The following CNTN5 variants were observed in gnomAD, a reference collection of about 807,000 sequenced individuals.
CNTN5 encodes contactin 5.
In CNTN5, 77 loss-of-function variants were observed where a neutral mutation model predicts 129.1. The observed-to-expected ratio is 0.60, with a 90% CI of 0.50 to 0.72. CNTN5 has a LOEUF of 0.72. CNTN5 is among the 30% of genes least tolerant of loss of function. The pLI is 0.00. For missense variants in CNTN5, 1,478 were observed against 1,328.8 expected, an observed-to-expected ratio of 1.11 and a Z score of -1.75; for synonymous variants, 509 against 465.6, an observed-to-expected ratio of 1.09 and a Z score of -1.20.
intron 3 of CNTN5, among the ~76,000 whole-genome samples, chr11:99,628,426 T>C (rs1453735407): frequency 6.6e-6 from 1 of 152,088 alleles, no homozygotes; most frequent in Non-Finnish European, 1.5e-5. Flanking sequence ...AAAGCATCTG[T>C]TATTCCTGAG....
chr11:100,170,683 A>G (rs1009211247), intron 13 of CNTN5, among the ~76,000 whole-genome samples: 2 of 151,892 alleles, frequency 1.3e-5, no homozygotes, highest in African/African-American at 4.8e-5. Flanking sequence ...ATCCATAGAC[A>G]AGGACAGTTC....
At chr11:99,634,595 A>G (rs1209129316) in intron 3 of CNTN5, among the ~76,000 whole-genome samples, 1 of 152,206 alleles carries the variant, frequency 6.6e-6, no homozygotes, top group Non-Finnish European at 1.5e-5. Flanking sequence ...TGGTTGAATT[A>G]GACTATGCTA....
chr11:100,350,800 T>G lies in CNTN5; in HGVS notation c.3129T>G (p.Ile1043Met). Residue 1043 changes from isoleucine to methionine, a missense_variant, in exon 24 of 25, where the codon ATT becomes ATG. Ile to Met is a conservative substitution (Grantham distance 10, BLOSUM62 1). Coordinates refer to ENST00000524871, the MANE Select transcript of CNTN5 (RefSeq NM_014361.4). ...VPLPDAGVYI[I>M]EVRAYSEGGD... Reference sequence around the variant, plus strand: ...TCCCAGATGCTGGAGTCTATATTATTGAAGTTCGAGCATATAGTGAAGGAG... The same window carrying G: ...TCCCAGATGCTGGAGTCTATATTATGGAAGTTCGAGCATATAGTGAAGGAG... The G allele has an allele frequency of 1.9e-6, 3 of 1,608,376 alleles. No homozygotes were observed. Among genetic ancestry groups the G allele is most frequent in the Non-Finnish European group, 2.6e-6 (3 of 1,176,410 alleles).
intron 16 of CNTN5, among the ~76,000 whole-genome samples, chr11:100,230,408 C>A (rs562627799): frequency 1.3e-5 from 2 of 152,242 alleles, no homozygotes; most frequent in Non-Finnish European, 2.9e-5. Context: ...GCAGTTGTTT[C>A]TTTTCTCTTA....
chr11:100,197,804 G>A lies in CNTN5; in HGVS notation c.1884+4141G>A, dbSNP rs143178798. Among the ~76,000 whole-genome samples, 589 of 151,994 alleles carry A rather than the reference G, an allele frequency of 3.9e-3. 1 individual carries two copies. Among genetic ancestry groups the A allele is most frequent in the Non-Finnish European group, 5.3e-3 (362 of 67,920 alleles). ...TTTTTAACACAGAAAAATATCTCAC[G>A]CATTTGTTGTCAGAATGGTCCACTA... is the stretch of plus-strand genomic sequence containing the variant. On this transcript the variant is annotated intron_variant, in intron 15 of 24. Coordinates refer to ENST00000524871, the MANE Select transcript of CNTN5 (RefSeq NM_014361.4).
intron 2 of CNTN5, among the ~76,000 whole-genome samples, chr11:99,490,137 A>G (rs1945978412): frequency 6.6e-6 from 1 of 152,162 alleles, no homozygotes; most frequent in East Asian, 1.9e-4. Context: ...TATATTTAAT[A>G]TGCTTATACC....
At chr11:99,475,716 T>C (rs1945343853) in intron 2 of CNTN5, among the ~76,000 whole-genome samples, 2 of 152,124 alleles carry the variant, frequency 1.3e-5, no homozygotes, top group Admixed American at 1.3e-4. Flanking sequence ...AAATAAATGA[T>C]TTTATTGCAT....
chr11:99,628,128 C>A (rs1210564353), intron 3 of CNTN5, among the ~76,000 whole-genome samples: 1 of 151,852 alleles, frequency 6.6e-6, no homozygotes, highest in Non-Finnish European at 1.5e-5. Context: ...GTATTCATTT[C>A]AGCATCAACT....
chr11:99,921,392 C>A (rs1309465086), intron 7 of CNTN5, among the ~76,000 whole-genome samples: 1 of 152,166 alleles, frequency 6.6e-6, no homozygotes, highest in Non-Finnish European at 1.5e-5. Context: ...ATTCCCTAGG[C>A]CTGGATCATG....
At chr11:99,513,565 A>G (rs1160292019) in intron 2 of CNTN5, among the ~76,000 whole-genome samples, 1 of 152,112 alleles carries the variant, frequency 6.6e-6, no homozygotes, top group African/African-American at 2.4e-5. Context: ...GACTAAGTTG[A>G]AGCCAATGCT....
Position 99,854,707 on chromosome 11 carries a change from A to T in CNTN5, c.577+9445A>T, listed in dbSNP as rs116445989. On this transcript the variant is annotated intron_variant, in intron 6 of 24. Transcript: ENST00000524871. ...TAGATTTATTCTGACTTTCAGGAGA[A>T]AATACCCAACATTTAAAAATATTTG... 4.5e-3 allele frequency among the ~76,000 whole-genome samples: 691 copies of T among 152,304 alleles called. 4 individuals carry two copies. The highest frequency in any genetic ancestry group is 0.016 in the African/African-American group (666 of 41,578).
At chr11:99,221,144 C>T (rs1410304474) in intron 1 of CNTN5, among the ~76,000 whole-genome samples, 1 of 151,838 alleles carries the variant, frequency 6.6e-6, no homozygotes, top group Non-Finnish European at 1.5e-5. Flanking sequence ...TTATTAAACT[C>T]CCTGTCACTG....
intron 20 of CNTN5, among the ~76,000 whole-genome samples, chr11:100,300,064 G>T (rs774893700): frequency 3.4e-4 from 51 of 151,408 alleles, no homozygotes; most frequent in Non-Finnish European, 5.5e-4. Flanking sequence ...GCCTTCATAT[G>T]CATGACCATG....
intron 2 of CNTN5, among the ~76,000 whole-genome samples, chr11:99,530,436 G>T (rs1201180046): frequency 6.6e-6 from 1 of 151,756 alleles, no homozygotes; most frequent in Non-Finnish European, 1.5e-5. Context: ...AACACTTATT[G>T]AAGTCCTGCT....
chr11:100,346,452 G>T (rs767941659), intron 23 of CNTN5, among the ~76,000 whole-genome samples: 1 of 152,066 alleles, frequency 6.6e-6, no homozygotes, highest in Non-Finnish European at 1.5e-5. Flanking sequence ...ACTTATGCTT[G>T]AGTGAAAGGG....
intron 1 of CNTN5, among the ~76,000 whole-genome samples, chr11:99,130,063 A>C (rs1467742089): frequency 1.3e-5 from 2 of 152,188 alleles, no homozygotes; most frequent in Non-Finnish European, 2.9e-5. Context: ...AACAAGTCTG[A>C]AAATTAACCA....
At chr11:99,954,297 C>T (rs1326257508) in intron 7 of CNTN5, among the ~76,000 whole-genome samples, 1 of 152,156 alleles carries the variant, frequency 6.6e-6, no homozygotes, top group East Asian at 1.9e-4. Context: ...AGGGACTACT[C>T]ACTGAAGAAT....
At chr11:100,271,580 G>A (rs896863262) in intron 18 of CNTN5, among the ~76,000 whole-genome samples, 6 of 143,206 alleles carry the variant, frequency 4.2e-5, no homozygotes, top group African/African-American at 9.7e-5. Flanking sequence ...AGAATAAATC[G>A]GTTCACCTTC....
chr11:99,755,717 T>C (rs1432753148), intron 3 of CNTN5, among the ~76,000 whole-genome samples: 1 of 152,082 alleles, frequency 6.6e-6, no homozygotes, highest in African/African-American at 2.4e-5. Flanking sequence ...TCTGTTATGG[T>C]TGTGTTATAG....
Sources: gnomAD v4.1 joint callset for allele counts (sites outside exome capture counted in the v4.1 genomes callset) on GRCh38, gnomAD v4.1.1 for gene constraint, MANE v1.5 for transcripts, NCBI Gene and HGNC (gene_info 2026-07-23, HGNC 2026-07-21) for gene names.